Variants in PPP6R3 observed in about 807,000 individuals in gnomAD.
PPP6R3 encodes the protein protein phosphatase 6 regulatory subunit 3.
A neutral mutation model predicts 110.7 loss-of-function variants in PPP6R3; 38 were observed. That is an observed-to-expected ratio of 0.34 (90% CI 0.26 to 0.45). The LOEUF is 0.45. PPP6R3 is among the 20% of genes least tolerant of loss of function. The pLI, the probability that PPP6R3 is intolerant of heterozygous loss-of-function variation, is 1.00. For missense variants in PPP6R3, 870 were observed against 1,062.4 expected, an observed-to-expected ratio of 0.82 and a Z score of 2.52; for synonymous variants, 369 against 373.5, an observed-to-expected ratio of 0.99 and a Z score of 0.14.
intron 2 of PPP6R3, among the ~76,000 whole-genome samples, chr11:68,532,112 C>T (rs987456294): frequency 4.6e-5 from 7 of 152,144 alleles, no homozygotes; most frequent in Admixed American, 4.6e-4. Flanking sequence ...CAGGGTGGCA[C>T]CTTTTTCCAG....
chr11:68,562,116 TC>T lies in PPP6R3; in HGVS notation c.846-2186del. 2.0e-5 allele frequency among the ~76,000 whole-genome samples: 3 copies of T among 152,138 alleles called. No individual in the cohort carries two copies. The South Asian group carries it at 6.2e-4, about 32-fold the overall frequency. On this transcript the variant is annotated intron_variant, in intron 8 of 23. Coordinates refer to ENST00000393800, the MANE Select transcript of PPP6R3 (RefSeq NM_001164161.2). The stretch of plus-strand genomic sequence containing the variant: ...ATTTAGCAAGATTGCAAGTATGAAG[TC>T]AGCACTCAAAAGTTAATTGCATTTC...
intron 1 of PPP6R3, among the ~76,000 whole-genome samples, chr11:68,493,985 C>T (rs1034750444): frequency 1.3e-5 from 2 of 151,464 alleles, no homozygotes; most frequent in African/African-American, 2.4e-5. Flanking sequence ...AGCCTGTAGT[C>T]CCAGCTACTC....
chr11:68,520,919 G>A (rs1333336446), intron 2 of PPP6R3, among the ~76,000 whole-genome samples: 1 of 152,114 alleles, frequency 6.6e-6, no homozygotes, highest in African/African-American at 2.4e-5. Context: ...TTACAGGCGT[G>A]CACCACCACG....
chr11:68,524,115 C>T (rs1490466029), intron 2 of PPP6R3, among the ~76,000 whole-genome samples: 1 of 152,136 alleles, frequency 6.6e-6, no homozygotes, highest in Admixed American at 6.5e-5. Flanking sequence ...CCTTCTGTTC[C>T]TATAGAAAAT....
chr11:68,571,231 T>G, intron 12 of PPP6R3, 127 bp downstream of exon 12: 1 of 1,243,648 alleles, frequency 8.0e-7, no homozygotes, highest in Non-Finnish European at 1.1e-6. Context: ...CAATTTAAAC[T>G]TTTCCCCAGA....
At chr11:68,606,316 CTTCTTCTTTCTTCT>C (rs1028582202) in intron 22 of PPP6R3, among the ~76,000 whole-genome samples, 1 of 151,724 alleles carries the variant, frequency 6.6e-6, no homozygotes, top group Admixed American at 6.6e-5. Context: ...CTCCTTCTTT[CTTCTTCTTTCTTCT>C]TTCTTCTTCA....
At chr11:68,549,482 C>T (rs1021326822) in intron 5 of PPP6R3, among the ~76,000 whole-genome samples, 5 of 152,054 alleles carry the variant, frequency 3.3e-5, no homozygotes, top group Non-Finnish European at 5.9e-5. Context: ...ACTGTGATCA[C>T]TGTGAGTAAA....
At chr11:68,581,997 C>CA (rs1381728491) in intron 14 of PPP6R3, among the ~76,000 whole-genome samples, 3 of 152,188 alleles carry the variant, frequency 2.0e-5, no homozygotes, top group Admixed American at 2.0e-4. Context: ...CAGAATTTTA[C>CA]AAGACATACC....
At chr11:68,519,958 G>A (rs867710835) in intron 2 of PPP6R3, among the ~76,000 whole-genome samples, 8 of 152,150 alleles carry the variant, frequency 5.3e-5, no homozygotes, top group Non-Finnish European at 1.5e-5. Flanking sequence ...AGAAAGACTC[G>A]CCGCCCAGGC....
chr11:68,530,166 C>T (rs1230632718), intron 2 of PPP6R3, among the ~76,000 whole-genome samples: 1 of 152,012 alleles, frequency 6.6e-6, no homozygotes, highest in Non-Finnish European at 1.5e-5. Flanking sequence ...ATGTGTGGCT[C>T]AAAAGTTTAT....
At chr11:68,461,566 G>C (rs2098708197) in intron 1 of PPP6R3, among the ~76,000 whole-genome samples, 2 of 152,048 alleles carry the variant, frequency 1.3e-5, no homozygotes, top group Admixed American at 1.3e-4. Flanking sequence ...CTGTTTACTT[G>C]GAGGTGTTTC....
At chr11:68,466,433 CTTTTTT>C (rs906791744) in intron 1 of PPP6R3, among the ~76,000 whole-genome samples, 1 of 125,398 alleles carries the variant, frequency 8.0e-6, no homozygotes, top group African/African-American at 3.2e-5. Flanking sequence ...AGGACATTTT[CTTTTTT>C]TTTTTTTTTT....
chr11:68,569,672 C>A, intron 10 of PPP6R3, 76 bp from the exon 11 acceptor site: 1 of 1,251,694 alleles, frequency 8.0e-7, no homozygotes, highest in Non-Finnish European at 1.1e-6. Context: ...TATTAAATCA[C>A]TGTTCTGTAA....
At chr11:68,497,157 C>T (rs1415749412) in intron 1 of PPP6R3, among the ~76,000 whole-genome samples, 1 of 150,344 alleles carries the variant, frequency 6.7e-6, no homozygotes, top group Non-Finnish European at 1.5e-5. Context: ...CGCCATTCTC[C>T]TGCCTCAGCC....
intron 4 of PPP6R3, among the ~76,000 whole-genome samples, chr11:68,546,853 TTC>T: frequency 6.6e-6 from 1 of 152,314 alleles, no homozygotes; most frequent in Admixed American, 6.5e-5. Flanking sequence ...GGTTTGGTGT[TTC>T]TGGCACTGAA....
chr11:68,510,988 A>G (rs374189505), intron 1 of PPP6R3, among the ~76,000 whole-genome samples: 13 of 151,708 alleles, frequency 8.6e-5, no homozygotes, highest in East Asian at 1.9e-4. Context: ...TATCCACCCA[A>G]TAGAGGTTTG....
intron 2 of PPP6R3, among the ~76,000 whole-genome samples, chr11:68,523,663 C>T (rs769638747): frequency 2.7e-5 from 4 of 150,464 alleles, no homozygotes; most frequent in Admixed American, 1.3e-4. Context: ...ATTTGTTAAG[C>T]TCTGGGAGAA....
chr11:68,515,435 A>AG (rs1272479237), intron 1 of PPP6R3, among the ~76,000 whole-genome samples: 4 of 152,242 alleles, frequency 2.6e-5, no homozygotes, highest in Non-Finnish European at 5.9e-5. Flanking sequence ...GTGAGGCGGT[A>AG]GGGGGGCAGC....
intron 18 of PPP6R3, among the ~76,000 whole-genome samples, chr11:68,592,412 A>C (rs1214519631): frequency 1.3e-5 from 2 of 152,252 alleles, no homozygotes; most frequent in Non-Finnish European, 2.9e-5. Context: ...GGAATCAAAG[A>C]GTATGCAATG....
Sources: gnomAD v4.1 joint callset for allele counts (sites outside exome capture counted in the v4.1 genomes callset) on GRCh38, gnomAD v4.1.1 for gene constraint, MANE v1.5 for transcripts, NCBI Gene and HGNC (gene_info 2026-07-23, HGNC 2026-07-21) for gene names.